The following SRGAP1 variants were observed in gnomAD, a reference collection of about 807,000 sequenced individuals.
SRGAP1 encodes SLIT-ROBO Rho GTPase activating protein 1.
Under a neutral mutation model 121.9 loss-of-function variants are expected in SRGAP1, and 43 were observed. The ratio of observed to expected loss-of-function variants is 0.35; its 90% CI spans 0.28 to 0.46. SRGAP1 has a LOEUF of 0.46. Among genes scored for constraint, SRGAP1 ranks in the 20% least tolerant of loss-of-function variants. The pLI is 1.00. For synonymous variants in SRGAP1, 447 were observed against 485.4 expected (o/e 0.92, Z 1.04); for missense variants, 1,102 against 1,350.9 (o/e 0.82, Z 2.89).
intron 1 of SRGAP1, among the ~76,000 whole-genome samples, chr12:63,900,192 C>CTTTTTT (rs1900891032): frequency 5.1e-5 from 2 of 39,326 alleles, no homozygotes; most frequent in African/African-American, 9.4e-5. Context: ...TTTTCTTTTT[C>CTTTTTT]TTTTTCTTTT....
intron 18 of SRGAP1, among the ~76,000 whole-genome samples, chr12:64,124,160 C>A (rs2036651421): frequency 6.6e-6 from 1 of 152,136 alleles, no homozygotes; most frequent in Non-Finnish European, 1.5e-5. Flanking sequence ...TAAGGTGAAG[C>A]CTAAGCTTTT....
At position 63,948,454 on chromosome 12, in the gene SRGAP1, G is replaced by T. The variant is rs1014848355; in HGVS notation, c.68-35493G>T. Among the ~76,000 whole-genome samples the T allele has an allele frequency of 1.4e-4, 21 of 152,162 alleles. 1 individual carries two copies. Among genetic ancestry groups the T allele is most frequent in the South Asian group, 2.1e-4 (1 of 4,828 alleles). On this transcript the variant is annotated intron_variant, in intron 1 of 21. Coordinates refer to ENST00000355086, the MANE Select transcript of SRGAP1 (RefSeq NM_020762.4). ...ATGCTGGTGTCTCCCACAGTCCAGT[G>T]TCAGGGACACAGTCATCTCTGTCTT...
intron 17 of SRGAP1, among the ~76,000 whole-genome samples, chr12:64,113,858 C>G (rs1240952012): frequency 2.0e-5 from 3 of 152,148 alleles, no homozygotes; most frequent in African/African-American, 4.8e-5. Context: ...ACCTCCCTGC[C>G]CACCTCAGAA....
At chr12:64,022,825 G>A (rs540546975) in intron 4 of SRGAP1, among the ~76,000 whole-genome samples, 9 of 152,236 alleles carry the variant, frequency 5.9e-5, no homozygotes, top group Non-Finnish European at 1.0e-4. Context: ...GAGATGTACT[G>A]GGAATATAGC....
chr12:64,086,957 T>C, intron 10 of SRGAP1, 42 bp from the exon 11 acceptor site: 1 of 1,514,478 alleles, frequency 6.6e-7, no homozygotes, highest in East Asian at 2.3e-5. Flanking sequence ...TACACTCTGC[T>C]GATTCCTTTC....
rs569854428 is a variant in SRGAP1, at chr12:64,106,275, G to A, written c.1814-2657G>A. On this transcript the variant is annotated intron_variant, in intron 15 of 21. Coordinates refer to ENST00000355086, the MANE Select transcript of SRGAP1 (RefSeq NM_020762.4). The stretch of plus-strand genomic sequence containing the variant: ...AATAAATCATAATATGTATAATTTC[G>A]CTTTTGAAGAGTTTTTTCTTTTTCA... 6.6e-5 allele frequency among the ~76,000 whole-genome samples: 10 copies of A among 152,178 alleles called. No individual in the cohort carries two copies. The South Asian group carries it at 1.5e-3, about 22-fold the overall frequency.
At chr12:64,108,891 G>C (rs773712691) in intron 15 of SRGAP1, 41 bp from the exon 16 acceptor site, 46 of 1,460,170 alleles carry the variant, frequency 3.2e-5, no homozygotes, top group Non-Finnish European at 4.3e-5. Context: ...TTTAAATGTG[G>C]CAAGTGAAAG....
chr12:64,076,943 C>T (rs569494313), intron 8 of SRGAP1, among the ~76,000 whole-genome samples: 11 of 152,096 alleles, frequency 7.2e-5, no homozygotes, highest in Admixed American at 6.5e-4. Flanking sequence ...ACGCCCCGCT[C>T]AGAAAGAAAA....
At chr12:63,934,424 C>T (rs1261336130) in intron 1 of SRGAP1, among the ~76,000 whole-genome samples, 3 of 152,176 alleles carry the variant, frequency 2.0e-5, no homozygotes, top group Non-Finnish European at 4.4e-5. Context: ...AACCCTGCAG[C>T]TATCCCACCA....
intron 4 of SRGAP1, among the ~76,000 whole-genome samples, chr12:64,029,271 T>A (rs985581376): frequency 1.3e-5 from 2 of 152,200 alleles, no homozygotes; most frequent in African/African-American, 4.8e-5. Context: ...TGTCTCTAAA[T>A]CAGATAAATG....
chr12:63,867,405 A>C lies in SRGAP1; in HGVS notation c.67+22522A>C, dbSNP rs11837338. 6.8e-3 allele frequency among the ~76,000 whole-genome samples: 1,028 copies of C among 152,280 alleles called. 7 individuals are homozygous for C. Among genetic ancestry groups the C allele is most frequent in the African/African-American group, 0.023 (958 of 41,558 alleles). On this transcript the variant is annotated intron_variant, in intron 1 of 21. Transcript: ENST00000355086. ...AGAAACAAGATTGTCTTTCAAATGG[A>C]ATAGTGGTGGCATTTACCAATAGCC...
At chr12:64,040,950 A>G (rs1034887209) in intron 4 of SRGAP1, among the ~76,000 whole-genome samples, 3 of 152,192 alleles carry the variant, frequency 2.0e-5, no homozygotes, top group Non-Finnish European at 4.4e-5. Context: ...TTTGTACACA[A>G]ACTTTTTTGT....
chr12:64,053,313 G>A (rs1297377817), intron 6 of SRGAP1, among the ~76,000 whole-genome samples: 1 of 152,194 alleles, frequency 6.6e-6, no homozygotes, highest in African/African-American at 2.4e-5. Flanking sequence ...GCAAACGGGT[G>A]TGGTTGTATT....
chr12:64,105,047 A>G (rs1308520652), intron 15 of SRGAP1, among the ~76,000 whole-genome samples: 1 of 152,082 alleles, frequency 6.6e-6, no homozygotes, highest in African/African-American at 2.4e-5. Context: ...TACTCATCAA[A>G]CAATAACTCC....
chr12:64,013,570 T>C (rs2034314213), intron 3 of SRGAP1, among the ~76,000 whole-genome samples: 3 of 152,078 alleles, frequency 2.0e-5, no homozygotes, highest in African/African-American at 7.2e-5. Flanking sequence ...TAGCCAAGGG[T>C]CTACCTACTG....
chr12:63,929,318 T>C (rs1227193165), intron 1 of SRGAP1, among the ~76,000 whole-genome samples: 7 of 152,224 alleles, frequency 4.6e-5, no homozygotes. Flanking sequence ...ATAAATGAAG[T>C]TAGTATCTAC....
intron 2 of SRGAP1, among the ~76,000 whole-genome samples, chr12:63,987,886 A>T (rs1456041): frequency 0.024 from 3,615 of 152,254 alleles, 151 homozygotes; most frequent in African/African-American, 0.081. Flanking sequence ...TATTATAAGC[A>T]TTTTAAAATA....
chr12:63,861,302 A>ATT (rs71457100), intron 1 of SRGAP1, among the ~76,000 whole-genome samples: 121 of 132,620 alleles, frequency 9.1e-4, no homozygotes, highest in Non-Finnish European at 6.8e-4. Context: ...ATATATATAT[A>ATT]TTTTTTTTTT....
intron 21 of SRGAP1, among the ~76,000 whole-genome samples, chr12:64,141,751 A>C (rs2036966850): frequency 6.6e-6 from 1 of 152,180 alleles, no homozygotes; most frequent in African/African-American, 2.4e-5. Flanking sequence ...CAGGAGTTCA[A>C]GACCAACCTG....
Sources: gnomAD v4.1 joint callset for allele counts (sites outside exome capture counted in the v4.1 genomes callset) on GRCh38, gnomAD v4.1.1 for gene constraint, MANE v1.5 for transcripts, NCBI Gene and HGNC (gene_info 2026-07-23, HGNC 2026-07-21) for gene names.